CSNK1G3: variants seen among roughly 807,000 people sequenced by gnomAD.
CSNK1G3 encodes casein kinase 1 gamma 3.
A neutral mutation model predicts 64.3 loss-of-function variants in CSNK1G3; 23 were observed. The ratio of observed to expected loss-of-function variants is 0.36; its 90% CI spans 0.26 to 0.51. CSNK1G3 has a LOEUF of 0.51. Ranked by LOEUF, CSNK1G3 falls within the 20% of genes least tolerant of loss-of-function variation. The probability of loss-of-function intolerance (pLI) is 0.96; values close to 1 mark genes in which losing one functional copy is unlikely to be tolerated. For synonymous variants in CSNK1G3, 158 were observed against 162.2 expected, an observed-to-expected ratio of 0.97 and a Z score of 0.20; for missense variants, 357 against 510.5, an observed-to-expected ratio of 0.70 and a Z score of 2.90.
intron 10 of CSNK1G3, among the ~76,000 whole-genome samples, chr5:123,595,559 T>C (rs555435219): frequency 1.1e-4 from 17 of 152,308 alleles, no homozygotes; most frequent in African/African-American, 3.6e-4. Flanking sequence ...TCATCCTTAG[T>C]ACTCAGAATG....
At chr5:123,601,115 T>C (rs1267757402) in intron 10 of CSNK1G3, among the ~76,000 whole-genome samples, 1 of 152,160 alleles carries the variant, frequency 6.6e-6, no homozygotes, top group Non-Finnish European at 1.5e-5. Flanking sequence ...ACTCATCTTC[T>C]AGTTCAAGTT....
chr5:123,545,734 A>C, exon 2 of CSNK1G3: 1 of 1,613,724 alleles, frequency 6.2e-7, no homozygotes, highest in Non-Finnish European at 8.5e-7. Flanking sequence ...CGATCGGGAC[A>C]CAACACTCGA....
intron 1 of CSNK1G3, among the ~76,000 whole-genome samples, chr5:123,537,327 C>G (rs1296587832): frequency 6.6e-6 from 1 of 150,490 alleles, no homozygotes; most frequent in Non-Finnish European, 1.5e-5. Flanking sequence ...AAGCTAGGAA[C>G]AGAAAGTCAG....
In CSNK1G3 at chr5:123,557,529, T is replaced by A; in HGVS notation, c.254T>A (p.Leu85Ter). ...AAATCAAGAGCACCACAGCTACATT[T>A]GGAATACAGATTCTATAAGCAGTTA... is the stretch of plus-strand genomic sequence containing the variant. The change falls in exon 4 of 13, where the codon TTG becomes TAG. Residue 85 changes from leucine (L) to a stop codon, truncating the protein, a stop_gained. Transcript: ENST00000345990. LOFTEE classifies it high-confidence loss of function. 6.2e-7 allele frequency: 1 copy of A among 1,607,736 alleles called. No individual in the cohort carries two copies. Among genetic ancestry groups the A allele is most frequent in the Non-Finnish European group, 8.5e-7 (1 of 1,177,484 alleles).
intron 10 of CSNK1G3, among the ~76,000 whole-genome samples, chr5:123,603,606 G>A (rs930127580): frequency 6.6e-5 from 10 of 152,072 alleles, no homozygotes; most frequent in Non-Finnish European, 1.5e-4. Context: ...ATTTAAAATA[G>A]GGTGTAACAT....
intron 6 of CSNK1G3, among the ~76,000 whole-genome samples, chr5:123,578,269 T>A (rs7716499): frequency 0.23 from 35,426 of 151,754 alleles, 4,442 homozygotes; most frequent in African/African-American, 0.31. Flanking sequence ...TACCTTTTTT[T>A]ATTTCCATCA....
chr5:123,600,226 C>T (rs1246762989), intron 10 of CSNK1G3, among the ~76,000 whole-genome samples: 1 of 151,996 alleles, frequency 6.6e-6, no homozygotes, highest in East Asian at 1.9e-4. Context: ...TTTAGTATTT[C>T]TAATACATTA....
intron 4 of CSNK1G3, among the ~76,000 whole-genome samples, chr5:123,565,946 A>G (rs1786784921): frequency 6.6e-6 from 1 of 152,232 alleles, no homozygotes; most frequent in African/African-American, 2.4e-5. Flanking sequence ...TTATAACTCA[A>G]CGTAAGATTT....
chr5:123,536,313 C>CT (rs539804544), intron 1 of CSNK1G3, among the ~76,000 whole-genome samples: 6 of 151,018 alleles, frequency 4.0e-5, no homozygotes, highest in African/African-American at 1.5e-4. Flanking sequence ...ATGTAGCATA[C>CT]TTTTTTTGAT....
chr5:123,569,521 A>G (rs955385830), intron 4 of CSNK1G3, among the ~76,000 whole-genome samples: 2 of 152,218 alleles, frequency 1.3e-5, no homozygotes, highest in Non-Finnish European at 2.9e-5. Context: ...TTATGCATGT[A>G]TTTCAAATAC....
At position 123,553,988 on chromosome 5, in the gene CSNK1G3, C is replaced by T. The variant is rs189985046; in HGVS notation, c.219+841C>T. Among the ~76,000 whole-genome samples, 363 of 152,118 alleles carry T rather than the reference C, an allele frequency of 2.4e-3. No individual in the cohort carries two copies. In the Middle Eastern group the frequency reaches 0.027, roughly 11 times the overall value. ...TTTAGCATGGCTTGGTTTTCTCTGC[C>T]TTTTTCAACCTTGTCTCTGTCAATA... On this transcript the variant is annotated intron_variant, in intron 3 of 12. Coordinates refer to ENST00000345990, the Ensembl canonical transcript of CSNK1G3.
chr5:123,598,317 G>T (rs1237570356), intron 10 of CSNK1G3, among the ~76,000 whole-genome samples: 2 of 152,146 alleles, frequency 1.3e-5, no homozygotes, highest in Non-Finnish European at 2.9e-5. Flanking sequence ...TTCATTATGT[G>T]CTAGGCTCTT....
intron 1 of CSNK1G3, among the ~76,000 whole-genome samples, chr5:123,535,864 C>G (rs985940659): frequency 2.0e-5 from 3 of 152,102 alleles, no homozygotes; most frequent in Non-Finnish European, 4.4e-5. Context: ...GCCTCTCTCT[C>G]CCTCCTAGTT....
At chr5:123,575,455 A>C (rs1788981357) in intron 5 of CSNK1G3, among the ~76,000 whole-genome samples, 1 of 152,190 alleles carries the variant, frequency 6.6e-6, no homozygotes, top group Admixed American at 6.5e-5. Context: ...GCATCCTCTG[A>C]AAGTGTTCAT....
chr5:123,585,289 C>G (rs1441101168), intron 6 of CSNK1G3, among the ~76,000 whole-genome samples: 3 of 151,512 alleles, frequency 2.0e-5, no homozygotes, highest in Non-Finnish European at 4.4e-5. Context: ...AATCCTTACT[C>G]CACACCAAAA....
At chr5:123,597,751 G>T in intron 10 of CSNK1G3, among the ~76,000 whole-genome samples, 1 of 152,082 alleles carries the variant, frequency 6.6e-6, no homozygotes, top group Non-Finnish European at 1.5e-5. Context: ...GCAATTAAGA[G>T]CTTAAGCTCT....
At chr5:123,578,580 T>C (rs761335304) in intron 6 of CSNK1G3, among the ~76,000 whole-genome samples, 3 of 151,940 alleles carry the variant, frequency 2.0e-5, no homozygotes, top group Non-Finnish European at 4.4e-5. Context: ...CTTAATGGTA[T>C]CTTTTGATGA....
intron 3 of CSNK1G3, among the ~76,000 whole-genome samples, chr5:123,555,503 T>C (rs1003260248): frequency 3.3e-5 from 5 of 152,206 alleles, no homozygotes; most frequent in Non-Finnish European, 7.4e-5. Context: ...AAGGCATTAT[T>C]TGATAACCTG....
intron 8 of CSNK1G3, 98 bp downstream of exon 8, chr5:123,588,609 A>G (rs1466029435): frequency 1.3e-6 from 1 of 782,778 alleles, no homozygotes; most frequent in East Asian, 2.7e-5. Context: ...ATGCTTAAAA[A>G]AAAAAGAGCT....
Sources: allele counts gnomAD v4.1 joint callset (sites outside exome capture counted in the v4.1 genomes callset), GRCh38; gene constraint gnomAD v4.1.1; transcripts MANE v1.5; gene names NCBI Gene and HGNC (gene_info 2026-07-23, HGNC 2026-07-21).